Variants in CCSER1 observed in about 807,000 individuals in gnomAD.
The protein encoded by CCSER1 is coiled-coil serine rich protein 1, also known as serine-rich coiled-coil domain-containing protein 1.
CCSER1 carries 41 observed loss-of-function variants against 82.0 expected under a neutral mutation model. The observed-to-expected ratio is 0.50, with a 90% CI of 0.39 to 0.65. CCSER1 has a LOEUF of 0.65. CCSER1 is among the 30% of genes least tolerant of loss of function. The pLI is 0.00. For missense variants in CCSER1, 1,119 were observed against 1,064.2 expected (o/e 1.05, Z -0.72); for synonymous variants, 414 against 383.9 (o/e 1.08, Z -0.92).
intron 4 of CCSER1, among the ~76,000 whole-genome samples, chr4:90,405,295 C>G (rs1690801286): frequency 6.6e-6 from 1 of 151,792 alleles, no homozygotes; most frequent in Admixed American, 6.6e-5. Context: ...CAAATTAACC[C>G]AATTCATTAA....
At chr4:90,227,254 G>T (rs926685163) in intron 1 of CCSER1, among the ~76,000 whole-genome samples, 1 of 152,184 alleles carries the variant, frequency 6.6e-6, no homozygotes, top group African/African-American at 2.4e-5. Flanking sequence ...GGTAGAGTTG[G>T]ATAATCATTT....
At chr4:91,204,928 A>G (rs1048424889) in intron 10 of CCSER1, among the ~76,000 whole-genome samples, 3 of 151,720 alleles carry the variant, frequency 2.0e-5, no homozygotes, top group African/African-American at 4.8e-5. Flanking sequence ...TCTTTAAGTA[A>G]CAATAAAATG....
In CCSER1 at chr4:90,391,504, A is replaced by AATATATATATATATAT. The variant is rs70963065; in HGVS notation, c.1510-8520_1510-8505dup. 5.4e-3 allele frequency among the ~76,000 whole-genome samples: 429 copies of AATATATATATATATAT among 79,384 alleles called. 6 individuals carry two copies. Among genetic ancestry groups the AATATATATATATATAT allele is most frequent in the African/African-American group, 0.015 (314 of 20,614 alleles). The allele number at this position is 79,384 out of a possible 152,430, so 52.1% of individuals were successfully genotyped here. A position where few individuals can be genotyped will look rare whatever the true frequency, so the allele number is the denominator to read the frequency against. On this transcript the variant is annotated intron_variant, in intron 3 of 10. Transcript: ENST00000509176. Reference sequence around the variant, plus strand: ...TATATATACACACACACAGTGGGTAAATATATATATATATATATATATATA... The same window carrying AATATATATATATATAT: ...TATATATACACACACACAGTGGGTAAATATATATATATATATATATATATATATATATATATATATA...
chr4:90,984,962 C>T lies in CCSER1; in HGVS notation c.2172+61515C>T, dbSNP rs966346466. Among the ~76,000 whole-genome samples, 3 of 151,670 alleles carry T rather than the reference C, an allele frequency of 2.0e-5. No homozygotes were observed. The Admixed American group carries it at 2.0e-4, about 10-fold the overall frequency. On this transcript the variant is annotated intron_variant, in intron 9 of 10. Transcript: ENST00000509176. ...AGACACTGCCCCCAACTTCCATCTC[C>T]CTTGGCTAAGTGAAGCTGAAGGCTC...
chr4:91,443,802 A>G (rs886175125), intron 10 of CCSER1, among the ~76,000 whole-genome samples: 1 of 150,172 alleles, frequency 6.7e-6, no homozygotes, highest in Non-Finnish European at 1.5e-5. Flanking sequence ...TGGGATTTTT[A>G]TTCACACTTG....
At chr4:91,571,549 G>C (rs939093639) in intron 10 of CCSER1, among the ~76,000 whole-genome samples, 13 of 152,164 alleles carry the variant, frequency 8.5e-5, no homozygotes, top group Non-Finnish European at 2.9e-5. Context: ...AATGCCAGCA[G>C]GGTAAATGCC....
Position 91,170,141 on chromosome 4 carries a change from T to C in CCSER1, c.2217+84147T>C, listed in dbSNP as rs540470106. On this transcript the variant is annotated intron_variant, in intron 10 of 10. Transcript: ENST00000509176. ...CTGGGAGGAGCTAAAAGATCTGACATCTTAAGTCATTACCTTAGACCTAAA... is the reference window on the plus strand; with the variant it reads ...CTGGGAGGAGCTAAAAGATCTGACACCTTAAGTCATTACCTTAGACCTAAA... 5.5e-4 allele frequency among the ~76,000 whole-genome samples: 83 copies of C among 152,204 alleles called. 1 individual carries two copies. Among genetic ancestry groups the C allele is most frequent in the Non-Finnish European group, 9.1e-4 (62 of 68,044 alleles).
intron 9 of CCSER1, among the ~76,000 whole-genome samples, chr4:91,004,473 A>T (rs1460414970): frequency 1.3e-5 from 2 of 152,238 alleles, no homozygotes; most frequent in Admixed American, 6.5e-5. Context: ...AAATAATTTC[A>T]TCTTTTCCTT....
chr4:90,170,061 T>C (rs1046744684), intron 1 of CCSER1, among the ~76,000 whole-genome samples: 9 of 151,944 alleles, frequency 5.9e-5, no homozygotes, highest in African/African-American at 1.9e-4. Flanking sequence ...TATTCATTTA[T>C]TGGTTTCTCT....
chr4:91,074,023 A>G (rs1479323092), intron 9 of CCSER1, among the ~76,000 whole-genome samples: 1 of 152,188 alleles, frequency 6.6e-6, no homozygotes, highest in Non-Finnish European at 1.5e-5. Context: ...TGTGGCAGTG[A>G]AAAGCAAGCA....
intron 10 of CCSER1, among the ~76,000 whole-genome samples, chr4:91,248,015 G>C (rs532264711): frequency 6.6e-6 from 1 of 152,114 alleles, no homozygotes; most frequent in Non-Finnish European, 1.5e-5. Flanking sequence ...AACTAAGGGC[G>C]TGTTCTGAGA....
At chr4:91,454,861 C>T (rs1469673633) in intron 10 of CCSER1, among the ~76,000 whole-genome samples, 2 of 151,762 alleles carry the variant, frequency 1.3e-5, no homozygotes, top group Non-Finnish European at 2.9e-5. Context: ...ACAGAAAATT[C>T]CCTTGTTCTA....
chr4:90,326,152 A>G (rs7692505), intron 3 of CCSER1, among the ~76,000 whole-genome samples: 101,244 of 147,536 alleles, frequency 0.69, 36,054 homozygotes, highest in African/African-American at 0.91. Context: ...TCCGCCTCCC[A>G]GGTTCAGGCC....
intron 5 of CCSER1, among the ~76,000 whole-genome samples, chr4:90,547,298 T>G (rs759874926): frequency 6.6e-6 from 1 of 152,042 alleles, no homozygotes; most frequent in African/African-American, 2.4e-5. Flanking sequence ...TTTTAATCTT[T>G]ATACTCTTGA....
chr4:90,554,257 G>T (rs1777861648), intron 5 of CCSER1, among the ~76,000 whole-genome samples: 1 of 152,178 alleles, frequency 6.6e-6, no homozygotes, highest in African/African-American at 2.4e-5. Flanking sequence ...CTAGCTACTT[G>T]GACAGCTGAG....
At chr4:91,463,885 A>G (rs1421883211) in intron 10 of CCSER1, among the ~76,000 whole-genome samples, 2 of 152,230 alleles carry the variant, frequency 1.3e-5, no homozygotes, top group Non-Finnish European at 2.9e-5. Context: ...TGATTGGTGT[A>G]CCTGAAAGTA....
intron 10 of CCSER1, among the ~76,000 whole-genome samples, chr4:91,087,803 G>A (rs1030790318): frequency 6.6e-6 from 1 of 152,038 alleles, no homozygotes; most frequent in Admixed American, 6.6e-5. Context: ...TCCACTTAGG[G>A]CAGCACTGGG....
intron 6 of CCSER1, among the ~76,000 whole-genome samples, chr4:90,654,161 T>C (rs1282277708): frequency 6.6e-6 from 1 of 152,164 alleles, no homozygotes; most frequent in Non-Finnish European, 1.5e-5. Flanking sequence ...ATCCAGACCA[T>C]ATCAGATCCC....
At chr4:90,429,604 A>G (rs1757998738) in intron 4 of CCSER1, among the ~76,000 whole-genome samples, 1 of 151,848 alleles carries the variant, frequency 6.6e-6, no homozygotes, top group African/African-American at 2.4e-5. Context: ...AAAACTGTAA[A>G]TTGTTACAAA....
Sources: gnomAD v4.1 joint callset for allele counts (sites outside exome capture counted in the v4.1 genomes callset) on GRCh38, gnomAD v4.1.1 for gene constraint, MANE v1.5 for transcripts, NCBI Gene and HGNC (gene_info 2026-07-23, HGNC 2026-07-21) for gene names.